Variants in SCD5 observed in about 807,000 individuals in gnomAD.
The protein encoded by SCD5 is acyl-CoA-desaturase 4.
Under a neutral mutation model 30.4 loss-of-function variants are expected in SCD5, and 20 were observed. The ratio of observed to expected loss-of-function variants is 0.66; its 90% confidence interval spans 0.46 to 0.96. The LOEUF (loss-of-function observed/expected upper bound fraction) is 0.96. SCD5 is among the 40% of genes least tolerant of loss of function. SCD5 has a pLI of 0.00. For missense variants in SCD5, 381 were observed against 443.3 expected (o/e 0.86, Z 1.26); for synonymous variants, 173 against 176.4 (o/e 0.98, Z 0.16).
chr4:82,732,432 GCACT>G (rs1720663945), intron 1 of SCD5, among the ~76,000 whole-genome samples: 1 of 151,970 alleles, frequency 6.6e-6, no homozygotes, highest in African/African-American at 2.4e-5. Context: ...ATTCATGGAT[GCACT>G]CACTCAGGTG....
chr4:82,677,173 A>G (rs944616665), intron 3 of SCD5, among the ~76,000 whole-genome samples: 2 of 152,242 alleles, frequency 1.3e-5, no homozygotes, highest in African/African-American at 4.8e-5. Flanking sequence ...AAACTCTCCA[A>G]GAGGCACTTA....
intron 1 of SCD5, among the ~76,000 whole-genome samples, chr4:82,780,948 A>G (rs1420936232): frequency 6.6e-6 from 1 of 152,300 alleles, no homozygotes; most frequent in East Asian, 1.9e-4. Context: ...CTATGAAGAC[A>G]CCAACAGTTA....
Position 82,680,866 on chromosome 4 carries a change from T to C in SCD5, c.410A>G (p.Tyr137Cys). The change falls in exon 3 of 5, where the codon TAC (tyrosine) becomes TGC (cysteine). Residue 137 changes from tyrosine (Y) to cysteine (C), a missense_variant. Transcript: ENST00000319540. ...GTGGGGGTCAGCATCCGTCTCTGAG[T>C]ACTTGTGGTGGGCTCGGTGGTCCCT... is the stretch of plus-strand genomic sequence containing the variant. ...WSRDHRAHHK[Y>C]SETDADPHNA... 1 of 1,613,704 alleles carries C rather than the reference T, an allele frequency of 6.2e-7. No individual in the cohort carries two copies. The highest frequency in any genetic ancestry group is 1.1e-5 in the South Asian group (1 of 91,046).
Position 82,798,630 on chromosome 4 carries a change from T to C in SCD5, c.-93A>G. The C allele has an allele frequency of 1.8e-6, 2 of 1,105,034 alleles. No homozygotes were observed. The highest frequency in any genetic ancestry group is 2.5e-6 in the Non-Finnish European group (2 of 794,726). The allele number at this position is 1,105,034 out of a possible 1,614,324, so 68.5% of individuals were successfully genotyped here. A position where few individuals can be genotyped will look rare whatever the true frequency, so the allele number is the denominator to read the frequency against. On this transcript the variant is annotated 5_prime_UTR_variant, in exon 1 of 5. Transcript: ENST00000319540. The stretch of plus-strand genomic sequence containing the variant: ...GGTGGGGGCGGGGGCTTCTGCCTTT[T>C]AGGGGGGAATTCTCCGCACGTCCAG...
At chr4:82,730,419 C>T (rs185730145) in intron 1 of SCD5, among the ~76,000 whole-genome samples, 4,647 of 150,742 alleles carry the variant, frequency 0.031, 117 homozygotes, top group Non-Finnish European at 0.046. Context: ...GCCTCAGCCT[C>T]CCAGGTAGCT....
At chr4:82,729,979 ATCTC>A (rs1323830482) in intron 1 of SCD5, among the ~76,000 whole-genome samples, 1 of 151,960 alleles carries the variant, frequency 6.6e-6, no homozygotes, top group Non-Finnish European at 1.5e-5. Context: ...TGTCTTTGTC[ATCTC>A]TCTAAAACTT....
intron 1 of SCD5, among the ~76,000 whole-genome samples, chr4:82,772,582 G>A (rs1286233194): frequency 6.6e-6 from 1 of 152,206 alleles, no homozygotes; most frequent in Admixed American, 6.5e-5. Flanking sequence ...TGGCTGGATG[G>A]TCTAGGATGG....
intron 1 of SCD5, among the ~76,000 whole-genome samples, chr4:82,754,285 A>G (rs1234482276): frequency 6.6e-6 from 1 of 152,254 alleles, no homozygotes; most frequent in East Asian, 1.9e-4. Context: ...AGATACTAAA[A>G]ATAAATTCAA....
intron 1 of SCD5, among the ~76,000 whole-genome samples, chr4:82,722,282 A>C (rs1417707909): frequency 2.7e-5 from 4 of 150,182 alleles, no homozygotes; most frequent in Admixed American, 1.3e-4. Flanking sequence ...AAAGGGCTCC[A>C]TCTTGATCAT....
chr4:82,783,839 A>G (rs1721931502), intron 1 of SCD5, among the ~76,000 whole-genome samples: 1 of 151,974 alleles, frequency 6.6e-6, no homozygotes, highest in Admixed American at 6.5e-5. Flanking sequence ...AAATTAAAAA[A>G]AAGAAAAAGA....
chr4:82,642,663 C>T (rs544109900), intron 3 of SCD5, among the ~76,000 whole-genome samples: 6 of 152,338 alleles, frequency 3.9e-5, no homozygotes, highest in Non-Finnish European at 5.9e-5. Flanking sequence ...AGTATTCACA[C>T]GAGCTGGCTT....
intron 1 of SCD5, among the ~76,000 whole-genome samples, chr4:82,736,852 C>T (rs2148837542): frequency 6.6e-6 from 1 of 151,902 alleles, no homozygotes; most frequent in East Asian, 1.9e-4. Flanking sequence ...ATTTTGTAGA[C>T]ACGGGGTCTT....
intron 1 of SCD5, among the ~76,000 whole-genome samples, chr4:82,725,590 T>C (rs1216853667): frequency 1.3e-5 from 2 of 152,164 alleles, no homozygotes; most frequent in African/African-American, 4.8e-5. Flanking sequence ...CCGGGCGTGG[T>C]GGCTCATGCC....
Position 82,773,919 on chromosome 4 carries a change from G to A in SCD5, c.232+24387C>T, listed in dbSNP as rs145505316. On this transcript the variant is annotated intron_variant, in intron 1 of 4. Transcript: ENST00000319540. Reference sequence around the variant, plus strand: ...AGCCTAGCCAATATGGTGAAACCTCGTCTTACTAAAAATACAAAAATTAGC... The same window carrying A: ...AGCCTAGCCAATATGGTGAAACCTCATCTTACTAAAAATACAAAAATTAGC... 5.0e-3 allele frequency among the ~76,000 whole-genome samples: 766 copies of A among 151,910 alleles called. 4 individuals carry two copies. The highest frequency in any genetic ancestry group is 0.017 in the African/African-American group (709 of 41,424).
intron 3 of SCD5, among the ~76,000 whole-genome samples, chr4:82,656,361 T>G (rs893372912): frequency 6.6e-5 from 10 of 152,208 alleles, no homozygotes; most frequent in Admixed American, 3.3e-4. Context: ...GTGCTTGGTT[T>G]TCTGTTCCTG....
chr4:82,731,354 G>C (rs1447809701), intron 1 of SCD5, among the ~76,000 whole-genome samples: 2 of 152,230 alleles, frequency 1.3e-5, no homozygotes, highest in African/African-American at 4.8e-5. Flanking sequence ...TGAACACAGA[G>C]CAGACCACTT....
chr4:82,718,910 A>C (rs1336701397), intron 1 of SCD5, among the ~76,000 whole-genome samples: 1 of 151,378 alleles, frequency 6.6e-6, no homozygotes, highest in Non-Finnish European at 1.5e-5. Flanking sequence ...TAATGAGTTG[A>C]CTTATCAAAA....
At chr4:82,739,453 C>T (rs1293521297) in intron 1 of SCD5, among the ~76,000 whole-genome samples, 1 of 152,236 alleles carries the variant, frequency 6.6e-6, no homozygotes, top group Non-Finnish European at 1.5e-5. Flanking sequence ...GTACTGGTGC[C>T]AGCAGTGTGG....
chr4:82,665,935 A>G (rs1281971851), intron 3 of SCD5, among the ~76,000 whole-genome samples: 2 of 152,162 alleles, frequency 1.3e-5, no homozygotes. Flanking sequence ...AAGGATTACA[A>G]ATTATTTCAT....
Sources: gnomAD v4.1 joint callset for allele counts (sites outside exome capture counted in the v4.1 genomes callset) on GRCh38, gnomAD v4.1.1 for gene constraint, MANE v1.5 for transcripts, NCBI Gene and HGNC (gene_info 2026-07-23, HGNC 2026-07-21) for gene names.